LDB1: variants seen among roughly 807,000 people sequenced by gnomAD.
LDB1 encodes LIM domain-binding protein 1.
A neutral mutation model predicts 49.7 loss-of-function variants in LDB1; 6 were observed. The ratio of observed to expected loss-of-function variants is 0.12; its 90% CI spans 0.07 to 0.24. LDB1 has a LOEUF of 0.24. Ranked by LOEUF, LDB1 falls within the 10% of genes least tolerant of loss-of-function variation. The pLI is 1.00. For missense variants in LDB1, 341 were observed against 561.7 expected (o/e 0.61, Z 3.97); for synonymous variants, 233 against 202.0 (o/e 1.15, Z -1.30).
chr10:102,118,860 C>A (rs2068366004), intron 1 of LDB1, among the ~76,000 whole-genome samples: 1 of 152,208 alleles, frequency 6.6e-6, no homozygotes, highest in African/African-American at 2.4e-5. Flanking sequence ...GCTCTTCCCT[C>A]TCCTCTCCCC....
In LDB1 at chr10:102,107,880, C is replaced by A; in HGVS notation, c.*213G>T. The stretch of plus-strand genomic sequence containing the variant: ...AGGCATCCACATGAGTACCCCCTCC[C>A]CCTAAAAGGCTCTGTAGAGGCCAGG... On this transcript the variant is annotated 3_prime_UTR_variant, in exon 11 of 11. Transcript: ENST00000673968. 1 of 596,000 alleles carries A rather than the reference C, an allele frequency of 1.7e-6. No homozygotes were observed. The highest frequency in any genetic ancestry group is 3.0e-6 in the Non-Finnish European group (1 of 333,908). 36.9% of individuals were successfully genotyped at this position (596,000 alleles called of 1,614,324 possible).
intron 1 of LDB1, among the ~76,000 whole-genome samples, chr10:102,116,519 A>C (rs879348072): frequency 6.6e-6 from 1 of 152,058 alleles, no homozygotes; most frequent in Non-Finnish European, 1.5e-5. Context: ...AATATACCCA[A>C]ATCCTGGATA....
In LDB1 at chr10:102,110,899, A is replaced by G. The variant is rs780111951; in HGVS notation, c.322T>C (p.Phe108Leu). Residue 108 changes from phenylalanine (F) to leucine (L), a missense_variant, in exon 5 of 11, where the codon TTC becomes CTC. Physicochemically the swap from Phe to Leu is conservative, Grantham distance 22. Around this residue, in one of 5 missense-constraint regions of LDB1, gnomAD observed 233 missense variants for 385.7 expected, o/e 0.60. Transcript: ENST00000673968. ...CTCTTTGGTCCATCCTCCAGGCAGAAAGTGATGGTCAACATGGCATCATCC... is the reference window on the plus strand; with the variant it reads ...CTCTTTGGTCCATCCTCCAGGCAGAGAGTGATGGTCAACATGGCATCATCC... ...FEDDAMLTIT[F>L]CLEDGPKRYT... 5.6e-6 allele frequency: 9 copies of G among 1,614,106 alleles called. No homozygotes were observed. In the East Asian group the frequency reaches 2.0e-4, roughly 36 times the overall value.
downstream of LDB1, among the ~76,000 whole-genome samples, chr10:102,103,200 G>A (rs924565799): frequency 6.6e-6 from 1 of 151,618 alleles, no homozygotes; most frequent in Non-Finnish European, 1.5e-5. Flanking sequence ...GCTAATTTTT[G>A]TATCTTTGGT....
At chr10:102,116,765 T>C (rs1205935629) in intron 1 of LDB1, among the ~76,000 whole-genome samples, 1 of 152,098 alleles carries the variant, frequency 6.6e-6, no homozygotes, top group Non-Finnish European at 1.5e-5. Context: ...ACAAACATAC[T>C]GAAATCTATA....
In LDB1 at chr10:102,117,603, GC is replaced by G. The variant is rs984040595; in HGVS notation, c.25+2482del. On this transcript the variant is annotated intron_variant, in intron 1 of 10. Coordinates refer to ENST00000673968, the MANE Select transcript of LDB1 (RefSeq NM_001113407.3). This position sits in a 1 kb window ranked among gnomAD's most constrained non-coding sequence, Gnocchi z 4.2. ...TGCCTGCCCCCCTTCCTTTGTCTGT[GC>G]CCGGCCTCCCGTTGGCCTGGCGCTC... Among the ~76,000 whole-genome samples the G allele has an allele frequency of 6.6e-6, 1 of 152,014 alleles. No individual in the cohort carries two copies. The highest frequency in any genetic ancestry group is 2.4e-5 in the African/African-American group (1 of 41,404).
Position 102,107,797 on chromosome 10 carries a change from T to G in LDB1, c.*296A>C, listed in dbSNP as rs79377741. The G allele has an allele frequency of 8.2e-3, 3,745 of 458,908 alleles. 110 individuals are homozygous for G. The highest frequency in any genetic ancestry group is 0.067 in the African/African-American group (3,404 of 51,014). The allele number at this position is 458,908 out of a possible 1,614,324, so 28.4% of individuals were successfully genotyped here. A position where few individuals can be genotyped will look rare whatever the true frequency, so the allele number is the denominator to read the frequency against. ...GGAAACCCACAATCTGGGGTGAAGA[T>G]GGAGGCAAATGCCCTGGGGGGTGGT... On this transcript the variant is annotated 3_prime_UTR_variant, in exon 11 of 11. Transcript: ENST00000673968.
downstream of LDB1, among the ~76,000 whole-genome samples, chr10:102,103,966 C>A (rs1035377853): frequency 6.6e-6 from 1 of 150,968 alleles, no homozygotes; most frequent in Admixed American, 6.6e-5. Flanking sequence ...CTACTTGGGA[C>A]GCATGAGAAT....
rs780862196 is a variant in LDB1 at position 102,110,989 on chromosome 10, G to A, written c.250-18C>T. ...TCACACTCCTAGGGAGCATGGTAAC[G>A]GGTGTTCATGTGTCATAAGATATCC... On this transcript the variant is annotated intron_variant, in intron 4 of 10. Coordinates refer to ENST00000673968, the MANE Select transcript of LDB1 (RefSeq NM_001113407.3). The A allele has an allele frequency of 6.2e-6, 10 of 1,611,722 alleles. No individual in the cohort carries two copies. Among genetic ancestry groups the A allele is most frequent in the South Asian group, 3.3e-5 (3 of 91,018 alleles).
Position 102,120,334 on chromosome 10 carries a change from G to T in LDB1, c.-224C>A. 3.0e-6 allele frequency: 3 copies of T among 984,626 alleles called. No individual in the cohort carries two copies. Among genetic ancestry groups the T allele is most frequent in the Non-Finnish European group, 3.6e-6 (3 of 829,672 alleles). The allele number at this position is 984,626 out of a possible 1,614,324, so 61.0% of individuals were successfully genotyped here. A position where few individuals can be genotyped will look rare whatever the true frequency, so the allele number is the denominator to read the frequency against. On this transcript the variant is annotated 5_prime_UTR_variant, in exon 1 of 11. Transcript: ENST00000673968. ...AGGCAGGAAGGCGAGCGGCCTCTGC[G>T]TGTGTGCGCGCGGGTGTGAGTCCGC... is the stretch of plus-strand genomic sequence containing the variant.
chr10:102,116,090 CAGT>C (rs1297941025), intron 1 of LDB1, among the ~76,000 whole-genome samples: 1 of 152,216 alleles, frequency 6.6e-6, no homozygotes, highest in Non-Finnish European at 1.5e-5. Context: ...GTTAACTGTG[CAGT>C]AATATTGCAC....
At chr10:102,106,030 G>A (rs1328255581), downstream of LDB1, among the ~76,000 whole-genome samples, 1 of 152,034 alleles carries the variant, frequency 6.6e-6, no homozygotes, top group Admixed American at 6.6e-5. Context: ...TAGACTGGGG[G>A]CTGGGTAGGG....
chr10:102,117,591 T>C lies in LDB1; in HGVS notation c.25+2495A>G, dbSNP rs1297251878. 6.6e-6 allele frequency among the ~76,000 whole-genome samples: 1 copy of C among 151,968 alleles called. No homozygotes were observed. The highest frequency in any genetic ancestry group is 6.5e-5 in the Admixed American group (1 of 15,268). ...AGGCCTCCAGTGTGCCTGCCCCCCT[T>C]CCTTTGTCTGTGCCCGGCCTCCCGT... On this transcript the variant is annotated intron_variant, in intron 1 of 10. Transcript: ENST00000673968. The surrounding 1 kb of genome is among the most constrained non-coding windows in gnomAD (Gnocchi z 4.2).
chr10:102,110,128 A>T, intron 6 of LDB1, 85 bp from the exon 7 acceptor site: 1 of 1,452,512 alleles, frequency 6.9e-7, no homozygotes, highest in Non-Finnish European at 9.4e-7. Context: ...ATTTGCTTAC[A>T]ACTCTCCCAT....
chr10:102,111,010 T>C, intron 4 of LDB1, 39 bp from the exon 5 acceptor site: 1 of 1,611,620 alleles, frequency 6.2e-7, no homozygotes, highest in East Asian at 2.2e-5. Flanking sequence ...TGTCATAAGA[T>C]ATCCCATAGG....
In LDB1 at chr10:102,117,226, G is replaced by T. The variant is rs758201802; in HGVS notation, c.25+2860C>A. Among the ~76,000 whole-genome samples the T allele has an allele frequency of 6.6e-6, 1 of 152,160 alleles. No individual in the cohort carries two copies. Reference sequence around the variant, plus strand: ...GGGACTACAAGGGCCCTCCAGTCTCGCTGTGGGGTGGAGGGGCCCCTAAAT... The same window carrying T: ...GGGACTACAAGGGCCCTCCAGTCTCTCTGTGGGGTGGAGGGGCCCCTAAAT... On this transcript the variant is annotated intron_variant, in intron 1 of 10. Transcript: ENST00000673968. This position sits in a 1 kb window ranked among gnomAD's most constrained non-coding sequence, Gnocchi z 4.2.
At chr10:102,110,326 C>T in intron 6 of LDB1, 1 of 640,910 alleles carries the variant, frequency 1.6e-6, no homozygotes, top group Non-Finnish European at 2.7e-6. Context: ...CTCTTGTTCA[C>T]TCGTGTAGCC....
chr10:102,105,748 G>A (rs1269761485), downstream of LDB1, among the ~76,000 whole-genome samples: 1 of 150,248 alleles, frequency 6.7e-6, no homozygotes, highest in African/African-American at 2.5e-5. Context: ...GATCACCTGA[G>A]GTCAAGAGTT....
chr10:102,119,205 G>A (rs1225793886), intron 1 of LDB1, among the ~76,000 whole-genome samples: 1 of 152,108 alleles, frequency 6.6e-6, no homozygotes, highest in African/African-American at 2.4e-5. Flanking sequence ...CCCGGGGATG[G>A]AGACAGACAG....
Sources: gnomAD v4.1 joint callset for allele counts (sites outside exome capture counted in the v4.1 genomes callset) on GRCh38, gnomAD v4.1.1 for gene constraint, gnomAD v4.1.1 regional missense constraint, Gnocchi (gnomAD v3.1) non-coding constraint, MANE v1.5 for transcripts, NCBI Gene and HGNC (gene_info 2026-07-23, HGNC 2026-07-21) for gene names.